LDLRAD4: variants seen among roughly 807,000 people sequenced by gnomAD.
LDLRAD4 encodes low-density lipoprotein receptor class A domain-containing protein 4.
LDLRAD4 carries 5 observed loss-of-function variants against 17.0 expected under a neutral mutation model. The ratio of observed to expected loss-of-function variants is 0.29; its 90% CI spans 0.15 to 0.62. LDLRAD4 has a LOEUF of 0.62. Ranked by LOEUF, LDLRAD4 falls within the 20% of genes least tolerant of loss-of-function variation. The probability of loss-of-function intolerance (pLI) is 0.84; values close to 1 mark genes in which losing one functional copy is unlikely to be tolerated. For missense variants in LDLRAD4, 340 were observed against 424.7 expected, an observed-to-expected ratio of 0.80 and a Z score of 1.75; for synonymous variants, 168 against 171.8, an observed-to-expected ratio of 0.98 and a Z score of 0.17.
At chr18:13,339,850 C>A (rs1051930874) in intron 1 of LDLRAD4, among the ~76,000 whole-genome samples, 2 of 152,172 alleles carry the variant, frequency 1.3e-5, no homozygotes, top group Admixed American at 1.3e-4. Flanking sequence ...ATTACGTACA[C>A]TCACATTATT....
chr18:13,545,986 A>G (rs578210688), intron 3 of LDLRAD4, among the ~76,000 whole-genome samples: 20 of 152,162 alleles, frequency 1.3e-4, no homozygotes, highest in Non-Finnish European at 2.8e-4. Context: ...GTCGGGATGC[A>G]GTGTTCATAA....
intron 1 of LDLRAD4, among the ~76,000 whole-genome samples, chr18:13,288,462 C>T (rs574584404): frequency 6.6e-6 from 1 of 152,180 alleles, no homozygotes; most frequent in African/African-American, 2.4e-5. Context: ...GGACCAGATA[C>T]ACAACTTTGG....
At chr18:13,617,646 A>G (rs967127576) in intron 3 of LDLRAD4, among the ~76,000 whole-genome samples, 4 of 152,356 alleles carry the variant, frequency 2.6e-5, no homozygotes, top group Admixed American at 2.6e-4. Context: ...CATAATATGT[A>G]AAGATTTCAT....
At chr18:13,531,535 A>G (rs1053640249) in intron 3 of LDLRAD4, among the ~76,000 whole-genome samples, 1 of 149,184 alleles carries the variant, frequency 6.7e-6, no homozygotes, top group Non-Finnish European at 1.5e-5. Context: ...GGCTCCAGTG[A>G]GATATGACCG....
At chr18:13,295,496 T>C (rs1218366827) in intron 1 of LDLRAD4, among the ~76,000 whole-genome samples, 5 of 152,366 alleles carry the variant, frequency 3.3e-5, no homozygotes, top group African/African-American at 1.2e-4. Flanking sequence ...GCATGTCACC[T>C]GGACTTACTA....
At chr18:13,449,037 AAC>A (rs1464960409) in intron 3 of LDLRAD4, among the ~76,000 whole-genome samples, 2 of 152,356 alleles carry the variant, frequency 1.3e-5, no homozygotes, top group South Asian at 2.1e-4. Context: ...AAGAGCTAAT[AAC>A]AGAGGGAAAA....
At chr18:13,304,389 A>G (rs1272206341) in intron 1 of LDLRAD4, among the ~76,000 whole-genome samples, 1 of 152,222 alleles carries the variant, frequency 6.6e-6, no homozygotes, top group Non-Finnish European at 1.5e-5. Flanking sequence ...TGAAGAGTGC[A>G]GAGATGGGAG....
rs533511204 is a variant in LDLRAD4, at chr18:13,224,604, C to T, written c.-467+5616C>T. Among the ~76,000 whole-genome samples the T allele has an allele frequency of 4.6e-5, 7 of 151,336 alleles. No homozygotes were observed. In the East Asian group the frequency reaches 5.8e-4, roughly 13 times the overall value. ...ATGCCATTCTCCTGCCTCAGCTTCC[C>T]GAGTAGCTGGGATTACAGGCACGTG... On this transcript the variant is annotated intron_variant, in intron 1 of 5. Transcript: ENST00000399848.
chr18:13,482,001 A>T (rs1215284081), intron 3 of LDLRAD4, among the ~76,000 whole-genome samples: 1 of 151,704 alleles, frequency 6.6e-6, no homozygotes, highest in African/African-American at 2.4e-5. Context: ...ACAGGACTGG[A>T]GGGCCTGCAG....
chr18:13,609,809 C>T (rs1474125297), intron 3 of LDLRAD4, among the ~76,000 whole-genome samples: 1 of 152,048 alleles, frequency 6.6e-6, no homozygotes. Flanking sequence ...CCCATCTCTA[C>T]TAAAAATACA....
chr18:13,473,678 T>TATATAAAAAA (rs374731826), intron 3 of LDLRAD4, among the ~76,000 whole-genome samples: 1 of 79,986 alleles, frequency 1.3e-5, no homozygotes, highest in Non-Finnish European at 2.3e-5. Flanking sequence ...TATATATATA[T>TATATAAAAAA]AACGTTTACA....
At chr18:13,404,688 C>T (rs1451567276) in intron 2 of LDLRAD4, among the ~76,000 whole-genome samples, 1 of 151,802 alleles carries the variant, frequency 6.6e-6, no homozygotes, top group Non-Finnish European at 1.5e-5. Flanking sequence ...GTCCCAGCTA[C>T]TCGGGAGGCT....
intron 1 of LDLRAD4, among the ~76,000 whole-genome samples, chr18:13,245,693 CAAGGGG>C (rs1454540376): frequency 1.2e-4 from 18 of 152,230 alleles, no homozygotes; most frequent in Non-Finnish European, 2.6e-4. Flanking sequence ...ATTTCTGCTT[CAAGGGG>C]GCAGAGGCAA....
At chr18:13,438,877 A>G (rs2090841420) in intron 3 of LDLRAD4, among the ~76,000 whole-genome samples, 2 of 152,352 alleles carry the variant, frequency 1.3e-5, no homozygotes, top group African/African-American at 4.8e-5. Flanking sequence ...CCCAAGGCTG[A>G]GGCTTTGAGC....
At chr18:13,244,535 A>G (rs893726236) in intron 1 of LDLRAD4, among the ~76,000 whole-genome samples, 1 of 152,228 alleles carries the variant, frequency 6.6e-6, no homozygotes, top group Non-Finnish European at 1.5e-5. Context: ...TCTGTTACCT[A>G]CCTACGTCTC....
In LDLRAD4 at chr18:13,304,373, A is replaced by T. The variant is rs540881928; in HGVS notation, c.-383+26185A>T. ...CTGAGCTCACAGTTGGTTGGTACTC[A>T]CATGTTGAAGAGTGCAGAGATGGGA... On this transcript the variant is annotated intron_variant, in intron 1 of 5. Transcript: ENST00000359446. Among the ~76,000 whole-genome samples, 106 of 152,304 alleles carry T rather than the reference A, an allele frequency of 7.0e-4. 1 individual carries two copies. Among genetic ancestry groups the T allele is most frequent in the African/African-American group, 2.4e-3 (101 of 41,560 alleles).
At chr18:13,535,558 C>G (rs1391952830) in intron 3 of LDLRAD4, among the ~76,000 whole-genome samples, 2 of 152,078 alleles carry the variant, frequency 1.3e-5, no homozygotes, top group South Asian at 4.1e-4. Flanking sequence ...TGAATACAAA[C>G]TTTTTGTTAG....
At chr18:13,493,990 G>T (rs543077292) in intron 3 of LDLRAD4, among the ~76,000 whole-genome samples, 12 of 152,336 alleles carry the variant, frequency 7.9e-5, no homozygotes, top group African/African-American at 2.9e-4. Context: ...ACGCGGTGCC[G>T]CAATCCTGCC....
At chr18:13,541,439 TGTGCACACTTGG>T (rs1214750833) in intron 3 of LDLRAD4, among the ~76,000 whole-genome samples, 1 of 152,126 alleles carries the variant, frequency 6.6e-6, no homozygotes, top group Non-Finnish European at 1.5e-5. Flanking sequence ...TGCAAAAGGG[TGTGCACACTTGG>T]GTGTGTGTAC....
Sources: allele counts gnomAD v4.1 joint callset (sites outside exome capture counted in the v4.1 genomes callset), GRCh38; gene constraint gnomAD v4.1.1; transcripts MANE v1.5; gene names NCBI Gene and HGNC (gene_info 2026-07-23, HGNC 2026-07-21).